The following GLIS3 variants were observed in gnomAD, a reference collection of about 807,000 sequenced individuals.
GLIS3 encodes the protein zinc finger protein GLIS3.
GLIS3 carries 53 observed loss-of-function variants against 78.6 expected under a neutral mutation model. That is an observed-to-expected ratio of 0.67 (90% CI 0.54 to 0.85). The LOEUF is 0.85. Among genes scored for constraint, GLIS3 ranks in the 40% least tolerant of loss-of-function variants. The pLI is 0.00. For synonymous variants in GLIS3, 684 were observed against 509.9 expected (o/e 1.34, Z -4.60); for missense variants, 1,703 against 1,231.1 (o/e 1.38, Z -5.74).
In GLIS3 at chr9:4,326,895, C is replaced by T. The variant is rs920938046; in HGVS notation, n.265-16367G>A. ...GGCTGTGGGTGCATGTCCTCTCATGCCAGCAAGGTTTTTCCTTCTCACCAC... is the reference window on the plus strand; with the variant it reads ...GGCTGTGGGTGCATGTCCTCTCATGTCAGCAAGGTTTTTCCTTCTCACCAC... On this transcript the variant is annotated intron_variant and non_coding_transcript_variant, in intron 2 of 4. Transcript: ENST00000471664. Among the ~76,000 whole-genome samples the T allele has an allele frequency of 9.9e-5, 15 of 152,124 alleles. 1 individual carries two copies. Among genetic ancestry groups the T allele is most frequent in the Admixed American group, 9.8e-4 (15 of 15,250 alleles).
At chr9:4,171,063 C>G (rs553647819) in intron 2 of GLIS3, among the ~76,000 whole-genome samples, 11 of 152,284 alleles carry the variant, frequency 7.2e-5, no homozygotes, top group African/African-American at 2.6e-4. Context: ...TTGCCACCCA[C>G]ATATATGGTG....
chr9:4,446,778 T>C, the GLIS3 span, among the ~76,000 whole-genome samples: 6 of 151,822 alleles, frequency 4.0e-5, 1 homozygote, highest in South Asian at 8.3e-4. Context: ...CCCAAGGGGC[T>C]GGGATTACAG....
chr9:4,369,752 C>T, the GLIS3 span, among the ~76,000 whole-genome samples: 1 of 152,086 alleles, frequency 6.6e-6, no homozygotes, highest in African/African-American at 2.4e-5. Context: ...CCCAAAGGAC[C>T]TTGACAAGTT....
intron 2 of GLIS3, among the ~76,000 whole-genome samples, chr9:4,338,868 A>T (rs908180502): frequency 1.3e-5 from 2 of 152,102 alleles, no homozygotes; most frequent in Non-Finnish European, 2.9e-5. Context: ...TATGTGCCTG[A>T]GTCTTGGGAT....
intron 2 of GLIS3, among the ~76,000 whole-genome samples, chr9:4,244,417 C>T (rs1321560299): frequency 6.6e-6 from 1 of 152,142 alleles, no homozygotes; most frequent in African/African-American, 2.4e-5. Context: ...TTAGTATTTA[C>T]ATAATTTAAT....
chr9:4,319,562 C>G (rs73386229), intron 2 of GLIS3, among the ~76,000 whole-genome samples: 3,905 of 151,924 alleles, frequency 0.026, 174 homozygotes, highest in African/African-American at 0.09. Flanking sequence ...CAGGTTCTTC[C>G]TCTGTCACCA....
chr9:4,213,930 A>C (rs796753406), intron 2 of GLIS3, among the ~76,000 whole-genome samples: 1,086 of 45,762 alleles, frequency 0.024, 9 homozygotes, highest in South Asian at 0.066. Context: ...ACAGAAGCAA[A>C]AAAAAAAAAA....
intron 2 of GLIS3, among the ~76,000 whole-genome samples, chr9:4,158,655 T>C (rs971945363): frequency 1.5e-4 from 23 of 152,344 alleles, no homozygotes; most frequent in African/African-American, 4.8e-4. Flanking sequence ...CATTCATTTG[T>C]CCATCCATTA....
chr9:4,408,397 T>C, the GLIS3 span, among the ~76,000 whole-genome samples: 45,582 of 146,722 alleles, frequency 0.31, 7,343 homozygotes, highest in South Asian at 0.4. Context: ...CCTGGGGCGG[T>C]AGGGAGGAAG....
At chr9:3,901,518 A>G (rs561920701) in intron 6 of GLIS3, among the ~76,000 whole-genome samples, 1 of 152,330 alleles carries the variant, frequency 6.6e-6, no homozygotes, top group Admixed American at 6.5e-5. Flanking sequence ...ACCACTGGCA[A>G]TGACGATGAC....
At chr9:4,317,246 G>C (rs941720982) in intron 2 of GLIS3, among the ~76,000 whole-genome samples, 2 of 152,220 alleles carry the variant, frequency 1.3e-5, no homozygotes. Context: ...TACTTAGCCT[G>C]TGACCCAAGC....
chr9:3,941,039 G>A (rs1297545378), intron 4 of GLIS3, among the ~76,000 whole-genome samples: 6 of 152,182 alleles, frequency 3.9e-5, no homozygotes, highest in Non-Finnish European at 8.8e-5. Context: ...AATGCTGGGA[G>A]TGAGGCCCAG....
chr9:4,349,788 A>T (rs1012696477), upstream of GLIS3, among the ~76,000 whole-genome samples: 2 of 152,222 alleles, frequency 1.3e-5, no homozygotes, highest in Non-Finnish European at 2.9e-5. Flanking sequence ...AGAAATGAAG[A>T]AGAAACCTAA....
At chr9:3,884,228 A>C (rs1277476701) in intron 7 of GLIS3, among the ~76,000 whole-genome samples, 1 of 152,184 alleles carries the variant, frequency 6.6e-6, no homozygotes, top group Admixed American at 6.5e-5. Flanking sequence ...TTCAGCTGTA[A>C]CATATTTATT....
chr9:3,886,838 G>A (rs1822109732), intron 7 of GLIS3, among the ~76,000 whole-genome samples: 1 of 152,164 alleles, frequency 6.6e-6, no homozygotes, highest in Non-Finnish European at 1.5e-5. Context: ...GCTGCGTTTG[G>A]TATTGAGGTT....
At chr9:3,853,489 AAG>A (rs1819565966) in intron 9 of GLIS3, among the ~76,000 whole-genome samples, 1 of 152,156 alleles carries the variant, frequency 6.6e-6, no homozygotes, top group Non-Finnish European at 1.5e-5. Context: ...CCTATTCTCA[AAG>A]AGTCTAATTT....
rs535230395 is a variant in GLIS3, at chr9:3,922,052, A to C, written c.1983+10308T>G. On this transcript the variant is annotated intron_variant, in intron 6 of 10. Coordinates refer to ENST00000381971, the MANE Select transcript of GLIS3 (RefSeq NM_001042413.2). ...ATTTTGGGGAAGTCATTTTGGCAAT[A>C]TGTTGTAAGGAATTTATTTGAAGCA... 1.9e-3 allele frequency among the ~76,000 whole-genome samples: 282 copies of C among 152,288 alleles called. 3 individuals carry two copies. Among genetic ancestry groups the C allele is most frequent in the South Asian group, 0.012 (59 of 4,828 alleles).
upstream of GLIS3, among the ~76,000 whole-genome samples, chr9:4,350,732 G>C (rs1817958649): frequency 6.6e-6 from 1 of 152,174 alleles, no homozygotes; most frequent in African/African-American, 2.4e-5. Flanking sequence ...GGATTGATGT[G>C]TCTCTGCTGC....
intron 4 of GLIS3, among the ~76,000 whole-genome samples, chr9:4,117,213 G>C (rs924930238): frequency 1.3e-5 from 2 of 152,118 alleles, no homozygotes; most frequent in Non-Finnish European, 2.9e-5. Flanking sequence ...ATTTTATGCC[G>C]ACTATAAATC....
Sources: allele counts gnomAD v4.1 joint callset (sites outside exome capture counted in the v4.1 genomes callset), GRCh38; gene constraint gnomAD v4.1.1; transcripts MANE v1.5; gene names NCBI Gene and HGNC (gene_info 2026-07-23, HGNC 2026-07-21).